Variants in CDH4 observed in about 807,000 individuals in gnomAD.
CDH4 encodes the protein cadherin 4.
A neutral mutation model predicts 86.0 loss-of-function variants in CDH4; 33 were observed. The observed-to-expected ratio is 0.38, with a 90% confidence interval of 0.29 to 0.51. The LOEUF is 0.51. CDH4 is among the 20% of genes least tolerant of loss of function. The pLI is 0.86. For synonymous variants in CDH4, 555 were observed against 549.4 expected (o/e 1.01, Z -0.14); for missense variants, 1,114 against 1,307.4 (o/e 0.85, Z 2.28).
chr20:61,507,555 A>G (rs1257424611), intron 2 of CDH4, among the ~76,000 whole-genome samples: 1 of 152,148 alleles, frequency 6.6e-6, no homozygotes, highest in Non-Finnish European at 1.5e-5. Context: ...ACCAGGTTTC[A>G]CTTTAAGAAA....
chr20:61,771,348 G>A (rs1296115505), intron 3 of CDH4, among the ~76,000 whole-genome samples: 4 of 151,658 alleles, frequency 2.6e-5, no homozygotes, highest in African/African-American at 7.3e-5. Flanking sequence ...TTGAGGCTGG[G>A]CATGGTGGCT....
At chr20:61,563,185 G>A (rs577486713) in intron 2 of CDH4, among the ~76,000 whole-genome samples, 1 of 152,244 alleles carries the variant, frequency 6.6e-6, no homozygotes, top group Non-Finnish European at 1.5e-5. Context: ...GGGAGCCCAG[G>A]CTTGGCACTG....
At chr20:61,496,052 C>G (rs1365469017) in intron 2 of CDH4, among the ~76,000 whole-genome samples, 1 of 151,982 alleles carries the variant, frequency 6.6e-6, no homozygotes, top group Non-Finnish European at 1.5e-5. Context: ...AATTTTCATA[C>G]TTACAGAAAA....
rs116312251 is a variant in CDH4, at chr20:61,638,159, G to A, written c.170-105404G>A. Among the ~76,000 whole-genome samples, 1,157 of 152,284 alleles carry A rather than the reference G, an allele frequency of 7.6e-3. 14 individuals are homozygous for A. Among genetic ancestry groups the A allele is most frequent in the African/African-American group, 0.026 (1,096 of 41,550 alleles). On this transcript the variant is annotated intron_variant, in intron 2 of 15. Transcript: ENST00000614565. ...GCATCCACCATAGACGAGTGGAAGG[G>A]GGCACACATTGTTGAGGGAAGGCCC...
intron 2 of CDH4, among the ~76,000 whole-genome samples, chr20:61,317,714 G>A (rs1398435548): frequency 6.6e-6 from 1 of 152,152 alleles, no homozygotes; most frequent in Middle Eastern, 3.2e-3. Context: ...GTTGCCCAGT[G>A]TCCCCTGGGA....
intron 2 of CDH4, among the ~76,000 whole-genome samples, chr20:61,573,235 G>T (rs2086357873): frequency 6.6e-6 from 1 of 152,218 alleles, no homozygotes; most frequent in African/African-American, 2.4e-5. Flanking sequence ...ACCCCACCCA[G>T]CAGGGAACTG....
chr20:61,834,999 G>A (rs927968027), intron 4 of CDH4, among the ~76,000 whole-genome samples: 8 of 152,218 alleles, frequency 5.3e-5, no homozygotes, highest in African/African-American at 1.9e-4. Flanking sequence ...GTCACAGACC[G>A]GCTTCCTAAG....
At chr20:61,651,871 C>T (rs2087124948) in intron 2 of CDH4, among the ~76,000 whole-genome samples, 1 of 152,166 alleles carries the variant, frequency 6.6e-6, no homozygotes, top group Admixed American at 6.5e-5. Flanking sequence ...GGGAAGCCAT[C>T]GGGGCTGGGC....
At chr20:61,853,609 C>T (rs1600713055) in intron 6 of CDH4, among the ~76,000 whole-genome samples, 1 of 152,306 alleles carries the variant, frequency 6.6e-6, no homozygotes, top group African/African-American at 2.4e-5. Flanking sequence ...GGACGACCCC[C>T]ACCAGCAGTG....
intron 2 of CDH4, among the ~76,000 whole-genome samples, chr20:61,312,815 C>T (rs2084454637): frequency 6.6e-6 from 1 of 152,148 alleles, no homozygotes; most frequent in Non-Finnish European, 1.5e-5. Context: ...TGGGACGGGA[C>T]ACCAAAGTGC....
At chr20:61,633,876 G>C (rs1600825119) in intron 2 of CDH4, among the ~76,000 whole-genome samples, 1 of 152,298 alleles carries the variant, frequency 6.6e-6, no homozygotes. Flanking sequence ...TTTAAACACA[G>C]AGACATCTAA....
intron 2 of CDH4, among the ~76,000 whole-genome samples, chr20:61,272,906 G>C (rs546344241): frequency 1.4e-5 from 2 of 145,950 alleles, no homozygotes; most frequent in East Asian, 4.1e-4. Context: ...CAGTTTGGGG[G>C]AGTACCGTGT....
chr20:61,859,714 G>A (rs936405449), intron 6 of CDH4, among the ~76,000 whole-genome samples: 1 of 152,280 alleles, frequency 6.6e-6, no homozygotes, highest in African/African-American at 2.4e-5. Flanking sequence ...GCACATTTGT[G>A]TGGGTCTGTT....
intron 5 of CDH4, among the ~76,000 whole-genome samples, chr20:61,845,402 G>A (rs1209188972): frequency 2.6e-5 from 4 of 152,232 alleles, no homozygotes; most frequent in Admixed American, 6.5e-5. Flanking sequence ...TGGGGCTGCG[G>A]CCTCAGCTTC....
intron 2 of CDH4, among the ~76,000 whole-genome samples, chr20:61,649,773 G>A (rs1205873115): frequency 6.6e-6 from 1 of 152,206 alleles, no homozygotes; most frequent in Non-Finnish European, 1.5e-5. Context: ...GAGCAGGTCT[G>A]TGATCTCTTA....
intron 2 of CDH4, among the ~76,000 whole-genome samples, chr20:61,664,203 G>T (rs1245555100): frequency 1.3e-5 from 2 of 152,188 alleles, no homozygotes; most frequent in Non-Finnish European, 2.9e-5. Flanking sequence ...CCACCCACTG[G>T]GAGAGCAAGT....
chr20:61,308,460 G>A (rs2084429061), intron 2 of CDH4, among the ~76,000 whole-genome samples: 2 of 152,204 alleles, frequency 1.3e-5, no homozygotes, highest in African/African-American at 4.8e-5. Context: ...ATTGCACTGT[G>A]CAGGAAAGCT....
intron 2 of CDH4, among the ~76,000 whole-genome samples, chr20:61,293,593 G>A (rs978832744): frequency 2.6e-5 from 4 of 152,212 alleles, no homozygotes; most frequent in African/African-American, 9.7e-5. Context: ...CCATCAGCGG[G>A]ACAGAGAGAC....
chr20:61,429,238 A>T (rs2145513145), intron 2 of CDH4, among the ~76,000 whole-genome samples: 1 of 152,234 alleles, frequency 6.6e-6, no homozygotes, highest in East Asian at 1.9e-4. Context: ...TATCCATCTC[A>T]CAGATCAGAC....
Sources: gnomAD v4.1 joint callset for allele counts (sites outside exome capture counted in the v4.1 genomes callset) on GRCh38, gnomAD v4.1.1 for gene constraint, MANE v1.5 for transcripts, NCBI Gene and HGNC (gene_info 2026-07-23, HGNC 2026-07-21) for gene names.